The following RSU1 variants were observed in gnomAD, a reference collection of about 807,000 sequenced individuals.
RSU1 encodes the protein Ras suppressor protein 1.
Under a neutral mutation model 31.1 loss-of-function variants are expected in RSU1, and 26 were observed. The ratio of observed to expected loss-of-function variants is 0.84; its 90% CI spans 0.61 to 1.16. RSU1 has a LOEUF of 1.16. RSU1 is among the 50% of genes most tolerant of loss of function. The pLI is 0.00. For missense variants in RSU1, 320 were observed against 339.1 expected (o/e 0.94, Z 0.44); for synonymous variants, 164 against 136.3 (o/e 1.20, Z -1.41).
chr10:16,756,499 C>T (rs574352806), intron 4 of RSU1, among the ~76,000 whole-genome samples: 99 of 152,232 alleles, frequency 6.5e-4, no homozygotes, highest in Non-Finnish European at 1.3e-3. Flanking sequence ...ATGAAGAGGA[C>T]GAAGACCTTT....
intron 7 of RSU1, among the ~76,000 whole-genome samples, chr10:16,739,466 C>CTTTTTTTTTTTT (rs35664560): frequency 2.1e-5 from 2 of 94,248 alleles, no homozygotes; most frequent in African/African-American, 4.2e-5. Context: ...CATTTTCTTC[C>CTTTTTTTTTTTT]TTTTTTTTTT....
intron 8 of RSU1, among the ~76,000 whole-genome samples, chr10:16,652,440 C>T (rs1456936479): frequency 3.5e-5 from 5 of 141,452 alleles, no homozygotes; most frequent in Non-Finnish European, 7.6e-5. Flanking sequence ...ATGAGCCATT[C>T]TTAAGTGGAA....
Position 16,695,167 on chromosome 10 carries a change from G to GGA in RSU1, c.599-13_599-12insTC, listed in dbSNP as rs1554767080. On this transcript the variant is annotated splice_polypyrimidine_tract_variant and intron_variant, in intron 7 of 8. Coordinates refer to ENST00000345264, the MANE Select transcript of RSU1 (RefSeq NM_012425.4). ...TAAATCCAAGTTTCCTGGGGGGGGG[G>GGA]AAAAAAAAAGTGAAGGTCACTTCAT... is the stretch of plus-strand genomic sequence containing the variant. The GGA allele has an allele frequency of 5.1e-5, 67 of 1,321,986 alleles. No individual in the cohort carries two copies. Among genetic ancestry groups the GGA allele is most frequent in the South Asian group, 4.4e-4 (32 of 73,536 alleles). The allele number at this position is 1,321,986 out of a possible 1,614,324, so 81.9% of individuals were successfully genotyped here. A position where few individuals can be genotyped will look rare whatever the true frequency, so the allele number is the denominator to read the frequency against.
At chr10:16,710,012 C>A (rs1375097197) in intron 7 of RSU1, among the ~76,000 whole-genome samples, 1 of 152,138 alleles carries the variant, frequency 6.6e-6, no homozygotes, top group Admixed American at 6.6e-5. Flanking sequence ...CCTTTTATAT[C>A]TTTCTCTTCC....
intron 2 of RSU1, among the ~76,000 whole-genome samples, chr10:16,807,603 T>A (rs566843300): frequency 3.3e-5 from 5 of 152,252 alleles, no homozygotes; most frequent in Non-Finnish European, 5.9e-5. Flanking sequence ...CTAATATTGA[T>A]GGAGATTAAG....
At chr10:16,779,970 C>A (rs1352718993) in intron 3 of RSU1, among the ~76,000 whole-genome samples, 1 of 151,866 alleles carries the variant, frequency 6.6e-6, no homozygotes, top group Non-Finnish European at 1.5e-5. Context: ...TGGATTAGGT[C>A]AAGAGTGTCT....
At chr10:16,602,385 T>C (rs1833727678) in intron 8 of RSU1, among the ~76,000 whole-genome samples, 1 of 152,240 alleles carries the variant, frequency 6.6e-6, no homozygotes, top group Non-Finnish European at 1.5e-5. Flanking sequence ...ATTATGATCA[T>C]TATTTGTCAG....
intron 8 of RSU1, among the ~76,000 whole-genome samples, chr10:16,684,694 G>A (rs1835407201): frequency 6.6e-6 from 1 of 152,106 alleles, no homozygotes; most frequent in African/African-American, 2.4e-5. Flanking sequence ...ATGAGACAAT[G>A]AATTTCTGCT....
At chr10:16,707,997 G>A (rs1439919408) in intron 7 of RSU1, among the ~76,000 whole-genome samples, 1 of 151,958 alleles carries the variant, frequency 6.6e-6, no homozygotes, top group African/African-American at 2.4e-5. Context: ...GTGTGTTCTT[G>A]CCACCATTAT....
chr10:16,690,071 A>G (rs78799051), intron 8 of RSU1, among the ~76,000 whole-genome samples: 2,427 of 152,310 alleles, frequency 0.016, 34 homozygotes, highest in Non-Finnish European at 0.024. Flanking sequence ...GGAAATGTGC[A>G]AAGTGTGAGT....
intron 7 of RSU1, among the ~76,000 whole-genome samples, chr10:16,746,314 G>A (rs1204954558): frequency 1.3e-5 from 2 of 152,184 alleles, no homozygotes; most frequent in Non-Finnish European, 2.9e-5. Context: ...CGTCCCATAG[G>A]CTGCTGGGAT....
chr10:16,722,963 TACATATATGTATATATACAC>T (rs1564332677), intron 7 of RSU1: 9 of 150,576 alleles, frequency 6.0e-5, no homozygotes, highest in African/African-American at 2.0e-4. Context: ...TACACACATA[TACATATATGTATATATACAC>T]ACATATACAT....
At chr10:16,671,307 G>C (rs183911995) in intron 8 of RSU1, among the ~76,000 whole-genome samples, 1 of 151,980 alleles carries the variant, frequency 6.6e-6, no homozygotes, top group South Asian at 2.1e-4. Flanking sequence ...TCCTCCCAAA[G>C]AGCTGGGATT....
intron 8 of RSU1, among the ~76,000 whole-genome samples, chr10:16,671,540 C>G (rs1835104489): frequency 6.6e-6 from 1 of 152,134 alleles, no homozygotes; most frequent in African/African-American, 2.4e-5. Context: ...CCTTAATCTC[C>G]TGGGCTCAAG....
At chr10:16,607,886 C>CA (rs1833831766) in intron 8 of RSU1, among the ~76,000 whole-genome samples, 1 of 152,138 alleles carries the variant, frequency 6.6e-6, no homozygotes, top group African/African-American at 2.4e-5. Context: ...TTTTTTGAGA[C>CA]AGAGTCTTGC....
In RSU1 at chr10:16,803,597, G is replaced by A. The variant is rs142611859; in HGVS notation, c.109+13376C>T. Among the ~76,000 whole-genome samples, 299 of 152,276 alleles carry A rather than the reference G, an allele frequency of 2.0e-3. 2 individuals are homozygous for A. The highest frequency in any genetic ancestry group is 6.8e-3 in the African/African-American group (282 of 41,576). ...ACTTCAAAACTTAATGTCAGTTATAGTAACAAGACAGTGTGGAGTTGGTGA... is the reference window on the plus strand; with the variant it reads ...ACTTCAAAACTTAATGTCAGTTATAATAACAAGACAGTGTGGAGTTGGTGA... On this transcript the variant is annotated intron_variant, in intron 2 of 8. Transcript: ENST00000345264.
At chr10:16,783,147 G>A (rs139017181) in intron 2 of RSU1, among the ~76,000 whole-genome samples, 1,802 of 152,146 alleles carry the variant, frequency 0.012, 64 homozygotes, top group East Asian at 0.08. Flanking sequence ...CTGGGCTCAA[G>A]TAATTCTCCC....
At chr10:16,601,219 T>C (rs994699343) in intron 8 of RSU1, among the ~76,000 whole-genome samples, 2 of 152,202 alleles carry the variant, frequency 1.3e-5, no homozygotes, top group Non-Finnish European at 2.9e-5. Flanking sequence ...CACAGGTCTG[T>C]CCCTCCATGT....
At chr10:16,698,875 G>T (rs916844384) in intron 7 of RSU1, among the ~76,000 whole-genome samples, 1 of 152,158 alleles carries the variant, frequency 6.6e-6, no homozygotes, top group African/African-American at 2.4e-5. Flanking sequence ...GGAGTGGCAA[G>T]GAGGGTACAG....
Sources: gnomAD v4.1 joint callset for allele counts (sites outside exome capture counted in the v4.1 genomes callset) on GRCh38, gnomAD v4.1.1 for gene constraint, MANE v1.5 for transcripts, NCBI Gene and HGNC (gene_info 2026-07-23, HGNC 2026-07-21) for gene names.